ENPP3: variants seen among roughly 807,000 people sequenced by gnomAD.
ENPP3 encodes ectonucleotide pyrophosphatase/phosphodiesterase family member 3.
ENPP3 carries 104 observed loss-of-function variants against 117.8 expected under a neutral mutation model. The ratio of observed to expected loss-of-function variants is 0.88; its 90% CI spans 0.75 to 1.04. The LOEUF (loss-of-function observed/expected upper bound fraction) is 1.04. Among genes scored for constraint, ENPP3 ranks in the 50% least tolerant of loss-of-function variants. The pLI, the probability that ENPP3 is intolerant of heterozygous loss-of-function variation, is 0.00. For synonymous variants in ENPP3, 380 were observed against 349.9 expected (o/e 1.09, Z -0.96); for missense variants, 1,026 against 1,051.9 (o/e 0.98, Z 0.34).
chr6:131,660,739 G>A (rs181663030), intron 6 of ENPP3, among the ~76,000 whole-genome samples: 48 of 152,274 alleles, frequency 3.2e-4, no homozygotes, highest in Non-Finnish European at 5.6e-4. Flanking sequence ...TGTTAAGAAT[G>A]CATAACATGA....
intron 7 of ENPP3, 119 bp downstream of exon 7, chr6:131,671,446 A>G (rs1230147067): frequency 1.5e-6 from 1 of 684,112 alleles, no homozygotes; most frequent in Non-Finnish European, 2.6e-6. Flanking sequence ...ACATGGGGGG[A>G]TAGTTCATGG....
chr6:131,684,821 G>A (rs1424718725), intron 12 of ENPP3, among the ~76,000 whole-genome samples: 1 of 151,818 alleles, frequency 6.6e-6, no homozygotes, highest in Non-Finnish European at 1.5e-5. Flanking sequence ...ATTTTGTTCT[G>A]TCACTTAGGC....
intron 7 of ENPP3, 78 bp from the exon 8 acceptor site, chr6:131,674,084 A>T: frequency 1.2e-6 from 1 of 859,538 alleles, no homozygotes; most frequent in Non-Finnish European, 1.8e-6. Context: ...TATGAGTAAT[A>T]GATCGTGTGC....
At chr6:131,732,749 T>TATTA (rs1413440573) in intron 20 of ENPP3, among the ~76,000 whole-genome samples, 1 of 139,640 alleles carries the variant, frequency 7.2e-6, no homozygotes, top group African/African-American at 3.0e-5. Flanking sequence ...TTATTATTAT[T>TATTA]ATTTTCAGAT....
At chr6:131,645,398 TAA>T (rs1267477576) in intron 2 of ENPP3, among the ~76,000 whole-genome samples, 1 of 152,242 alleles carries the variant, frequency 6.6e-6, no homozygotes, top group Non-Finnish European at 1.5e-5. Context: ...GGGTATAGAA[TAA>T]AGTCTTTCAT....
chr6:131,678,907 C>CTCTTTCTCTCTTTCTTTCTT lies in ENPP3; in HGVS notation c.1011+974_1011+975insCTCTTTCTTTCTTTCTTTCT, dbSNP rs1778932219. Among the ~76,000 whole-genome samples the CTCTTTCTCTCTTTCTTTCTT allele has an allele frequency of 7.0e-5, 5 of 71,718 alleles. 1 individual carries two copies. The highest frequency in any genetic ancestry group is 2.1e-4 in the African/African-American group (4 of 19,414). The allele number at this position is 71,718 out of a possible 152,430, so 47.0% of individuals were successfully genotyped here. ...CCTTCTTTTCCCTTTCTTTCTTTCT[C>CTCTTTCTCTCTTTCTTTCTT]TCTTTCTTTCTTTCTTTCTTTCTTT... On this transcript the variant is annotated intron_variant, in intron 11 of 24. Transcript: ENST00000357639.
chr6:131,719,339 G>A (rs2114524052), intron 16 of ENPP3, among the ~76,000 whole-genome samples: 1 of 148,016 alleles, frequency 6.8e-6, no homozygotes, highest in East Asian at 2.0e-4. Flanking sequence ...ATCCCCCATA[G>A]GTAAAGCTTT....
At chr6:131,739,593 C>CTTTTTTTTTTTTTTTTTTTTTTTT (rs71270397) in intron 23 of ENPP3, among the ~76,000 whole-genome samples, 4 of 87,462 alleles carry the variant, frequency 4.6e-5, no homozygotes, top group Admixed American at 1.4e-4. Context: ...TCATGCTCTG[C>CTTTTTTTTTTTTTTTTTTTTTTTT]TTTTTTTTTT....
At chr6:131,721,280 A>G (rs1350600576) in intron 17 of ENPP3, among the ~76,000 whole-genome samples, 1 of 152,214 alleles carries the variant, frequency 6.6e-6, no homozygotes, top group African/African-American at 2.4e-5. Context: ...ACATGCTTAC[A>G]ACTCTCTCTC....
chr6:131,713,360 T>C (rs1779827757), intron 15 of ENPP3, among the ~76,000 whole-genome samples: 1 of 151,034 alleles, frequency 6.6e-6, no homozygotes, highest in African/African-American at 2.5e-5. Context: ...ATTGTATAGT[T>C]TTTTATGGTG....
At position 131,745,150 on chromosome 6, in the gene ENPP3, T is replaced by C. The variant is rs148708615; in HGVS notation, c.2458-1636T>C. 1.1e-3 allele frequency among the ~76,000 whole-genome samples: 160 copies of C among 151,850 alleles called. 1 individual carries two copies. Among genetic ancestry groups the C allele is most frequent in the African/African-American group, 3.7e-3 (152 of 41,424 alleles). The stretch of plus-strand genomic sequence containing the variant: ...ATAAACCAAATGGGAGAAAATGTTA[T>C]GGAAAAAAAAGTGATCAAAGATATT... On this transcript the variant is annotated intron_variant, in intron 24 of 24. Transcript: ENST00000357639.
intron 16 of ENPP3, among the ~76,000 whole-genome samples, chr6:131,719,132 T>C (rs1055744018): frequency 6.6e-6 from 1 of 151,920 alleles, no homozygotes; most frequent in African/African-American, 2.4e-5. Context: ...TGGGGTACCC[T>C]GGGGGGCAGT....
Position 131,641,442 on chromosome 6 carries a change from C to A in ENPP3, c.79-13C>A, listed in dbSNP as rs1371072176. The A allele has an allele frequency of 1.9e-6, 3 of 1,590,118 alleles. No homozygotes were observed. Among genetic ancestry groups the A allele is most frequent in the Admixed American group, 3.4e-5 (2 of 59,498 alleles). ...AAAAAATTATAAAAGTTACTTTTTC[C>A]TTTTTGCAATAGGTTCTTCTTGCTT... On this transcript the variant is annotated splice_polypyrimidine_tract_variant and intron_variant, in intron 1 of 24. Coordinates refer to ENST00000357639, the MANE Select transcript of ENPP3 (RefSeq NM_005021.5).
chr6:131,710,584 T>C, intron 15 of ENPP3: 1 of 1,613,414 alleles, frequency 6.2e-7, no homozygotes, highest in Non-Finnish European at 8.5e-7. Context: ...ACAGAGGATT[T>C]CATCCTCAAG....
intron 23 of ENPP3, among the ~76,000 whole-genome samples, chr6:131,739,387 A>C (rs777471565): frequency 2.2e-4 from 33 of 152,212 alleles, no homozygotes; most frequent in Middle Eastern, 3.4e-3. Context: ...GCACAGAATC[A>C]CTTCCTTGGA....
intron 6 of ENPP3, among the ~76,000 whole-genome samples, chr6:131,666,760 A>G (rs1778624306): frequency 6.6e-6 from 1 of 152,128 alleles, no homozygotes; most frequent in Non-Finnish European, 1.5e-5. Context: ...CTTTGAACAT[A>G]TTTCCCCATT....
chr6:131,656,828 A>G (rs1276792762), intron 5 of ENPP3, among the ~76,000 whole-genome samples: 2 of 151,924 alleles, frequency 1.3e-5, no homozygotes, highest in African/African-American at 4.8e-5. Flanking sequence ...ATTTATCTTT[A>G]GGAAATAATT....
rs775373748 is a variant in ENPP3, at chr6:131,650,080, C to T, written c.208C>T (p.Arg70Trp). The T allele has an allele frequency of 3.3e-5, 53 of 1,613,770 alleles. No individual in the cohort carries two copies. The highest frequency in any genetic ancestry group is 9.4e-5 in the African/African-American group (7 of 74,850). ...ATCATTTAGAGGACTGGAGAACTGC[C>T]GGTGTGATGTGGCATGTAAAGACCG... is the stretch of plus-strand genomic sequence containing the variant. ...DASFRGLENCRCDVACKDRGD... is the reference protein window; with the variant it reads ...DASFRGLENCWCDVACKDRGD... Residue 70 changes from arginine to tryptophan, a missense_variant, in exon 3 of 25, where the codon CGG becomes TGG. Physicochemically the swap from Arg to Trp is moderately radical, Grantham distance 101. Coordinates refer to ENST00000357639, the MANE Select transcript of ENPP3 (RefSeq NM_005021.5).
At chr6:131,711,396 G>A (rs1463424625) in intron 15 of ENPP3, among the ~76,000 whole-genome samples, 1 of 143,784 alleles carries the variant, frequency 7.0e-6, no homozygotes, top group Non-Finnish European at 1.5e-5. Context: ...TCTGGTTTTG[G>A]TAGTTTTCTT....
Sources: gnomAD v4.1 joint callset for allele counts (sites outside exome capture counted in the v4.1 genomes callset) on GRCh38, gnomAD v4.1.1 for gene constraint, MANE v1.5 for transcripts, NCBI Gene and HGNC (gene_info 2026-07-23, HGNC 2026-07-21) for gene names.